GREB1L: variants seen among roughly 807,000 people sequenced by gnomAD.
GREB1L encodes the protein GREB1-like protein.
In GREB1L, 17 loss-of-function variants were observed where a neutral mutation model predicts 200.8. The observed-to-expected ratio is 0.08, with a 90% CI of 0.06 to 0.13. GREB1L has a LOEUF of 0.13. Among genes scored for constraint, GREB1L ranks in the 10% least tolerant of loss-of-function variants. The pLI, the probability that GREB1L is intolerant of heterozygous loss-of-function variation, is 1.00. For missense variants in GREB1L, 1,657 were observed against 2,367.7 expected (o/e 0.70, Z 6.23); for synonymous variants, 789 against 893.0 (o/e 0.88, Z 2.08).
intron 2 of GREB1L, among the ~76,000 whole-genome samples, chr18:21,369,317 T>C (rs1447767468): frequency 2.0e-5 from 3 of 152,208 alleles, no homozygotes; most frequent in African/African-American, 4.8e-5. Context: ...GATTATTGAC[T>C]GTTCTCCCTG....
intron 1 of GREB1L, among the ~76,000 whole-genome samples, chr18:21,257,971 A>C (rs2144066418): frequency 6.6e-6 from 1 of 152,252 alleles, no homozygotes; most frequent in South Asian, 2.1e-4. Flanking sequence ...ATTTCACAAG[A>C]GCCTTCAGGT....
chr18:21,255,118 A>G (rs2037781069), intron 1 of GREB1L, among the ~76,000 whole-genome samples: 1 of 152,182 alleles, frequency 6.6e-6, no homozygotes, highest in South Asian at 2.1e-4. Context: ...AATTGAATTT[A>G]CTTAGTTCCC....
At chr18:21,288,521 G>T (rs930806865) in intron 1 of GREB1L, among the ~76,000 whole-genome samples, 10 of 152,108 alleles carry the variant, frequency 6.6e-5, no homozygotes, top group Non-Finnish European at 1.5e-4. Context: ...AAATGAAAAG[G>T]CTCCCATTTT....
In GREB1L at chr18:21,383,531, T is replaced by TTAAAAAA; in HGVS notation, c.13_14insTAAAAAA (p.Tyr5LeufsTer13). 1 of 1,492,668 alleles carries TTAAAAAA rather than the reference T, an allele frequency of 6.7e-7. No individual in the cohort carries two copies. Among genetic ancestry groups the TTAAAAAA allele is most frequent in the African/African-American group, 1.5e-5 (1 of 66,892 alleles). The allele number at this position is 1,492,668 out of a possible 1,614,324, so 92.5% of individuals were successfully genotyped here. ...GTAGGTGTAGATCATGGGGAATTCA[T>TTAAAAAA]ATGCTGGGCAACTGAAATCTGCTCG... On this transcript the variant is annotated frameshift_variant, in exon 3 of 33. Coordinates refer to ENST00000424526, the MANE Select transcript of GREB1L (RefSeq NM_001142966.3). LOFTEE classifies it high-confidence loss of function.
intron 1 of GREB1L, among the ~76,000 whole-genome samples, chr18:21,252,868 C>A (rs1477557479): frequency 6.6e-6 from 1 of 152,038 alleles, no homozygotes. Context: ...CCCCACCCCC[C>A]AAAAAAGAAA....
At chr18:21,363,838 C>T (rs2039617500) in intron 1 of GREB1L, 1 of 152,166 alleles carries the variant, frequency 6.6e-6, no homozygotes, top group African/African-American at 2.4e-5. Flanking sequence ...CTTTCGTGAT[C>T]TGAGGGAGAC....
At chr18:21,299,481 A>AT (rs2038583783) in intron 1 of GREB1L, among the ~76,000 whole-genome samples, 1 of 147,062 alleles carries the variant, frequency 6.8e-6, no homozygotes, top group African/African-American at 2.5e-5. Context: ...TATGGTACTC[A>AT]TTTTCCTTAG....
intron 25 of GREB1L, among the ~76,000 whole-genome samples, chr18:21,507,295 C>T (rs1598945783): frequency 6.6e-6 from 1 of 152,046 alleles, no homozygotes; most frequent in East Asian, 1.9e-4. Context: ...GACTACAGTA[C>T]TAAGTAGTAT....
chr18:21,272,581 G>C (rs2038095816), intron 1 of GREB1L, among the ~76,000 whole-genome samples: 1 of 152,042 alleles, frequency 6.6e-6, no homozygotes, highest in South Asian at 2.1e-4. Context: ...CTTTATCAAC[G>C]GTTAAAATAT....
chr18:21,358,756 G>T (rs968811972), intron 1 of GREB1L, among the ~76,000 whole-genome samples: 1 of 152,136 alleles, frequency 6.6e-6, no homozygotes. Flanking sequence ...CTCAGGTGAC[G>T]GGTGCACCGA....
chr18:21,440,454 A>G, intron 9 of GREB1L, 66 bp downstream of exon 9: 20 of 1,416,536 alleles, frequency 1.4e-5, no homozygotes, highest in Non-Finnish European at 1.8e-5. Flanking sequence ...TTCTACTTCC[A>G]TTCTTTCCCT....
chr18:21,513,661 T>C (rs1319188393), intron 27 of GREB1L, among the ~76,000 whole-genome samples, 160 bp from the exon 28 acceptor site: 1 of 152,242 alleles, frequency 6.6e-6, no homozygotes, highest in Non-Finnish European at 1.5e-5. Context: ...CCAGTAACAC[T>C]GGTTTGAGAG....
At chr18:21,286,596 A>G (rs762131543) in intron 1 of GREB1L, among the ~76,000 whole-genome samples, 11 of 152,236 alleles carry the variant, frequency 7.2e-5, no homozygotes, top group Non-Finnish European at 1.6e-4. Context: ...AGCCTCTCTT[A>G]CATGCTGAAT....
intron 15 of GREB1L, among the ~76,000 whole-genome samples, chr18:21,463,809 C>T (rs1379633271): frequency 6.6e-6 from 1 of 152,172 alleles, no homozygotes; most frequent in African/African-American, 2.4e-5. Context: ...TCTGTGAGCA[C>T]ATGGAGCATT....
chr18:21,503,792 G>A (rs1424943694), intron 23 of GREB1L, among the ~76,000 whole-genome samples: 3 of 147,894 alleles, frequency 2.0e-5, no homozygotes, highest in Non-Finnish European at 3.0e-5. Flanking sequence ...TGGCCAGACT[G>A]GTCTCGAACT....
rs567954988 is a variant in GREB1L, at chr18:21,310,216, G to T, written c.-119-55811G>T. Among the ~76,000 whole-genome samples, 6 of 152,264 alleles carry T rather than the reference G, an allele frequency of 3.9e-5. No individual in the cohort carries two copies. The East Asian group carries it at 9.7e-4, about 25-fold the overall frequency. On this transcript the variant is annotated intron_variant, in intron 1 of 32. Coordinates refer to ENST00000424526, the MANE Select transcript of GREB1L (RefSeq NM_001142966.3). ...TGGTTTACAAATGTTGGGCAGAAAA[G>T]GTTGGTAACTGAGAGAAGAGAGGAC...
chr18:21,522,633 C>T (rs1231498027), intron 32 of GREB1L, 25 bp from the exon 33 acceptor site: 3 of 1,531,142 alleles, frequency 2.0e-6, no homozygotes, highest in East Asian at 2.5e-5. Context: ...GAGCCTAGGA[C>T]ATATTTCTGT....
At chr18:21,259,911 T>A (rs1222093475) in intron 1 of GREB1L, among the ~76,000 whole-genome samples, 1 of 151,906 alleles carries the variant, frequency 6.6e-6, no homozygotes, top group Non-Finnish European at 1.5e-5. Flanking sequence ...GTTCAACTCA[T>A]ATCCTTTTTT....
chr18:21,372,631 T>C (rs1384584055), intron 2 of GREB1L, among the ~76,000 whole-genome samples: 1 of 152,094 alleles, frequency 6.6e-6, no homozygotes, highest in Admixed American at 6.5e-5. Context: ...TCTTAAAATA[T>C]GAGATTTTTG....
Sources: allele counts gnomAD v4.1 joint callset (sites outside exome capture counted in the v4.1 genomes callset), GRCh38; gene constraint gnomAD v4.1.1; transcripts MANE v1.5; gene names NCBI Gene and HGNC (gene_info 2026-07-23, HGNC 2026-07-21).